ADAMTS9: variants seen among roughly 807,000 people sequenced by gnomAD.
ADAMTS9 encodes ADAM metallopeptidase with thrombospondin type 1 motif 9.
In ADAMTS9, 107 loss-of-function variants were observed where a neutral mutation model predicts 257.1. The observed-to-expected ratio is 0.42, with a 90% CI of 0.36 to 0.49. ADAMTS9 has a LOEUF of 0.49. ADAMTS9 is among the 20% of genes least tolerant of loss of function. The pLI is 0.03. For synonymous variants in ADAMTS9, 982 were observed against 880.9 expected, an observed-to-expected ratio of 1.11 and a Z score of -2.03; for missense variants, 2,353 against 2,469.1, an observed-to-expected ratio of 0.95 and a Z score of 1.00.
chr3:64,588,395 T>C (rs946955092), intron 28 of ADAMTS9: 2 of 151,862 alleles, frequency 1.3e-5, no homozygotes, highest in African/African-American at 4.8e-5. Flanking sequence ...CAATAGGCAC[T>C]TAGAAAGTAT....
rs907200327 is a variant in ADAMTS9, at chr3:64,662,495, G to C, written c.680-3704C>G. 3.9e-5 allele frequency among the ~76,000 whole-genome samples: 6 copies of C among 152,034 alleles called. No individual in the cohort carries two copies. In the East Asian group the frequency reaches 1.2e-3, roughly 29 times the overall value. On this transcript the variant is annotated intron_variant, in intron 3 of 39. Coordinates refer to ENST00000498707, the MANE Select transcript of ADAMTS9 (RefSeq NM_182920.2). ...TGCTCTATCCATTATTGAAAGCGGGGTGCTGAAGTTTCCAATTATTGTTGT... is the reference window on the plus strand; with the variant it reads ...TGCTCTATCCATTATTGAAAGCGGGCTGCTGAAGTTTCCAATTATTGTTGT...
rs762295034 is a variant in ADAMTS9 at position 64,681,244 on chromosome 3, G to C, written c.636C>G (p.Pro212=). 1 of 1,613,938 alleles carries C rather than the reference G, an allele frequency of 6.2e-7. No individual in the cohort carries two copies. Among genetic ancestry groups the C allele is most frequent in the South Asian group, 1.1e-5 (1 of 91,062 alleles). The part of the protein sequence containing the change: ...KPHIIYRRSA[P]QREPSTGRHA... ...GCCTTCCTGTTGAGGGCTCTCTCTG[G>C]GGGGCGCTGCGCCTATAAATGATGT... The change falls in exon 3 of 40, where the codon CCC becomes CCG. Residue 212 remains proline, a synonymous_variant. Transcript: ENST00000498707.
intron 19 of ADAMTS9, among the ~76,000 whole-genome samples, chr3:64,620,618 A>G (rs1245822617): frequency 6.6e-6 from 1 of 152,168 alleles, no homozygotes; most frequent in Admixed American, 6.5e-5. Flanking sequence ...AATTGTTTGA[A>G]TATCTCAGAC....
At chr3:64,615,902 C>A in intron 20 of ADAMTS9, 58 bp downstream of exon 20, 3 of 1,596,326 alleles carry the variant, frequency 1.9e-6, no homozygotes, top group South Asian at 2.2e-5. Context: ...CTGCAAGGAG[C>A]CACCATCAAC....
At chr3:64,570,285 G>A (rs1030937198) in intron 28 of ADAMTS9, among the ~76,000 whole-genome samples, 1 of 152,128 alleles carries the variant, frequency 6.6e-6, no homozygotes, top group Non-Finnish European at 1.5e-5. Context: ...TTAATTAAGT[G>A]ATGACAAAAA....
chr3:64,656,759 A>G (rs1451872921), intron 4 of ADAMTS9, among the ~76,000 whole-genome samples: 2 of 151,598 alleles, frequency 1.3e-5, no homozygotes, highest in East Asian at 3.9e-4. Flanking sequence ...TGTGGGGGTG[A>G]GAGGGGCACG....
At chr3:64,556,270 TA>T (rs1157510850) in intron 30 of ADAMTS9, among the ~76,000 whole-genome samples, 1 of 152,166 alleles carries the variant, frequency 6.6e-6, no homozygotes, top group Non-Finnish European at 1.5e-5. Context: ...GAGAAGAAAA[TA>T]AAACAGCTGT....
chr3:64,550,785 G>A lies in ADAMTS9; in HGVS notation c.4869+107C>T, dbSNP rs143584412. On this transcript the variant is annotated intron_variant, in intron 31 of 39. Transcript: ENST00000498707. ...CACAGTTCACAGTGGCAAATCGGGC[G>A]GGTAGCCTCAAGTCTCCCACATTCC... 2.1e-4 allele frequency: 289 copies of A among 1,391,834 alleles called. 1 individual carries two copies. The East Asian group carries it at 5.1e-3, about 24-fold the overall frequency. 86.2% of individuals were successfully genotyped at this position (1,391,834 alleles called of 1,614,324 possible). A position where few individuals can be genotyped will look rare whatever the true frequency, so the allele number is the denominator to read the frequency against.
chr3:64,586,405 T>G (rs2084154236), intron 28 of ADAMTS9, among the ~76,000 whole-genome samples: 1 of 152,178 alleles, frequency 6.6e-6, no homozygotes, highest in African/African-American at 2.4e-5. Context: ...ATTCACTGTC[T>G]GAGATATTTC....
intron 16 of ADAMTS9, among the ~76,000 whole-genome samples, chr3:64,629,759 A>C (rs527864743): frequency 7.2e-5 from 11 of 152,362 alleles, no homozygotes; most frequent in African/African-American, 2.4e-4. Flanking sequence ...CATTGTGCCT[A>C]GAACAGTGCC....
At chr3:64,605,255 A>G (rs2084535630) in intron 23 of ADAMTS9, among the ~76,000 whole-genome samples, 1 of 152,244 alleles carries the variant, frequency 6.6e-6, no homozygotes, top group Non-Finnish European at 1.5e-5. Context: ...TGGATATAAT[A>G]GAATAACTTA....
intron 19 of ADAMTS9, among the ~76,000 whole-genome samples, chr3:64,620,305 T>C (rs1415051614): frequency 2.6e-5 from 4 of 152,234 alleles, no homozygotes; most frequent in East Asian, 3.9e-4. Context: ...TACCCTTTGA[T>C]AGGATTTGGC....
intron 19 of ADAMTS9, among the ~76,000 whole-genome samples, chr3:64,618,754 TCCAA>T (rs1203077095): frequency 6.6e-6 from 1 of 152,198 alleles, no homozygotes; most frequent in Non-Finnish European, 1.5e-5. Context: ...TGTTTCATTC[TCCAA>T]CCAAGTTTTA....
intron 3 of ADAMTS9, among the ~76,000 whole-genome samples, chr3:64,663,816 T>C (rs902839357): frequency 2.6e-5 from 4 of 152,278 alleles, no homozygotes; most frequent in South Asian, 4.1e-4. Flanking sequence ...CAGTCTTTTA[T>C]CAATTTGACC....
chr3:64,608,258 CAAA>C (rs57247914), intron 22 of ADAMTS9, among the ~76,000 whole-genome samples: 1 of 53,306 alleles, frequency 1.9e-5, no homozygotes, highest in East Asian at 4.9e-4. Flanking sequence ...AAACTAAAAC[CAAA>C]AAAAAAAAAA....
intron 19 of ADAMTS9, among the ~76,000 whole-genome samples, chr3:64,620,874 T>A (rs1700086660): frequency 1.3e-5 from 2 of 152,232 alleles, no homozygotes; most frequent in Admixed American, 1.3e-4. Context: ...AACTGAATTT[T>A]TTTTGGCAAG....
rs773459016 is a variant in ADAMTS9, at chr3:64,631,523, G to C, written c.2321C>G (p.Ala774Gly). ...YGYNTVVRIP[A>G]GATNIDVRQH... ...CCGCACATCAATATTGGTAGCACCA[G>C]CTGGAATTCGGACCACAGTATTGTA... Residue 774 changes from alanine to glycine, a missense_variant, in exon 16 of 40, where the codon GCT becomes GGT. By Grantham distance (60) the Ala-to-Gly change is moderately conservative. Around this residue, in one of 3 missense-constraint regions of ADAMTS9, gnomAD observed 360 missense variants for 458.1 expected, o/e 0.79. Transcript: ENST00000498707. 6.2e-7 allele frequency: 1 copy of C among 1,614,008 alleles called. No homozygotes were observed.
At chr3:64,573,736 A>C (rs2106707182) in intron 28 of ADAMTS9, among the ~76,000 whole-genome samples, 1 of 152,360 alleles carries the variant, frequency 6.6e-6, no homozygotes, top group East Asian at 1.9e-4. Flanking sequence ...CATATGCCCA[A>C]GGTTCAGGAC....
chr3:64,615,485 A>C lies in ADAMTS9; in HGVS notation c.3025T>G (p.Cys1009Gly). The C allele has an allele frequency of 6.2e-7, 1 of 1,602,864 alleles. No homozygotes were observed. The highest frequency in any genetic ancestry group is 8.5e-7 in the Non-Finnish European group (1 of 1,176,624). ...GGWRYSAWTECSKSCDGGTQR... is the reference protein window; with the variant it reads ...GGWRYSAWTEGSKSCDGGTQR... ...GTCCCACCGTCACAGCTTTTTGAAC[A>C]CTGTAGGGACAAAATAAATAAATAA... The change falls in exon 21 of 40, where the codon TGT becomes GGT. Residue 1009 changes from cysteine (C) to glycine (G), a missense_variant and splice_region_variant. Physicochemically the swap from Cys to Gly is radical, Grantham distance 159. Around this residue, in one of 3 missense-constraint regions of ADAMTS9, gnomAD observed 1,402 missense variants for 1,441.4 expected, o/e 0.97. Transcript: ENST00000498707.
Sources: allele counts gnomAD v4.1 joint callset (sites outside exome capture counted in the v4.1 genomes callset), GRCh38; gene constraint gnomAD v4.1.1; regional missense constraint gnomAD v4.1.1; transcripts MANE v1.5; gene names NCBI Gene and HGNC (gene_info 2026-07-23, HGNC 2026-07-21).